EXOC7: variants seen among roughly 807,000 people sequenced by gnomAD.
The protein encoded by EXOC7 is exocyst complex component Exo70.
A neutral mutation model predicts 87.6 loss-of-function variants in EXOC7; 51 were observed. The ratio of observed to expected loss-of-function variants is 0.58; its 90% CI spans 0.46 to 0.73. The LOEUF (loss-of-function observed/expected upper bound fraction) is 0.73. Among genes scored for constraint, EXOC7 ranks in the 30% least tolerant of loss-of-function variants. The pLI, the probability that EXOC7 is intolerant of heterozygous loss-of-function variation, is 0.00. For synonymous variants in EXOC7, 327 were observed against 357.1 expected (o/e 0.92, Z 0.95); for missense variants, 744 against 888.4 (o/e 0.84, Z 2.07).
Position 76,084,076 on chromosome 17 carries a change from CTG to C in EXOC7, c.1880_1881del (p.Thr627ArgfsTer87), listed in dbSNP as rs2067096658. On this transcript the variant is annotated frameshift_variant, in exon 18 of 19. Transcript: ENST00000589210. LOFTEE classifies it high-confidence loss of function. ...GCCTGGCGAATCCTGTCCCTCTGCT[CTG>C]TGTCTGGAATAGCCCAGGCCTTCTG... ...KIQKAWAIPD[T>X]EQRDRIRQAQ... 6.2e-7 allele frequency: 1 copy of C among 1,611,064 alleles called. No individual in the cohort carries two copies. Among genetic ancestry groups the C allele is most frequent in the Non-Finnish European group, 8.5e-7 (1 of 1,179,144 alleles).
At chr17:76,085,492 C>A (rs2067171310) in intron 14 of EXOC7, 83 bp from the exon 15 acceptor site, 1 of 1,495,556 alleles carries the variant, frequency 6.7e-7, no homozygotes, top group Non-Finnish European at 9.2e-7. Context: ...GGGAGGGCCT[C>A]CCATTGCACC....
chr17:76,090,612 AC>A, intron 7 of EXOC7: 1 of 835,888 alleles, frequency 1.2e-6, no homozygotes, highest in Non-Finnish European at 1.8e-6. Flanking sequence ...AGCACCCAGG[AC>A]CGTCCTTAGC....
In EXOC7 at chr17:76,081,531, T is replaced by C; in HGVS notation, c.*2117A>G. 1 of 1,612,732 alleles carries C rather than the reference T, an allele frequency of 6.2e-7. No homozygotes were observed. Among genetic ancestry groups the C allele is most frequent in the Non-Finnish European group, 8.5e-7 (1 of 1,179,884 alleles). ...TCCCCCCCGCCGGGAAGGCCCTGAC[T>C]TTTCCCCTTCCAGCTGAGGCTGAAG... On this transcript the variant is annotated 3_prime_UTR_variant, in exon 19 of 19. Coordinates refer to ENST00000589210, the MANE Select transcript of EXOC7 (RefSeq NM_001013839.4).
In EXOC7 at chr17:76,097,911, A is replaced by T; in HGVS notation, c.525T>A (p.Ser175Arg). The T allele has an allele frequency of 6.2e-7, 1 of 1,613,786 alleles. No homozygotes were observed. The highest frequency in any genetic ancestry group is 8.5e-7 in the Non-Finnish European group (1 of 1,179,884). The stretch of plus-strand genomic sequence containing the variant: ...CCTGGGCCTCCAGATCATCGTCACC[A>T]CTGATCAGATCCAAGATGAGCACGG... Reference protein sequence around the residue: ...VSPVLILDLISGDDDLEAQED... With the variant: ...VSPVLILDLIRGDDDLEAQED... The change falls in exon 5 of 19, where the codon AGT becomes AGA. Residue 175 changes from serine to arginine, a missense_variant. Coordinates refer to ENST00000589210, the MANE Select transcript of EXOC7 (RefSeq NM_001013839.4).
intron 4 of EXOC7, among the ~76,000 whole-genome samples, chr17:76,099,060 T>C (rs990257748): frequency 2.0e-5 from 3 of 152,194 alleles, no homozygotes; most frequent in Non-Finnish European, 4.4e-5. Context: ...ATTTGTAAAC[T>C]ATGTATCTGA....
chr17:76,096,862 CTTTT>C (rs1204584432), intron 5 of EXOC7, among the ~76,000 whole-genome samples: 5 of 151,922 alleles, frequency 3.3e-5, no homozygotes, highest in Admixed American at 6.6e-5. Flanking sequence ...GGCCTTCTTT[CTTTT>C]GAGACAAGAG....
rs552316053 is a variant in EXOC7, at chr17:76,083,888, C to T, written c.1952+118G>A. 1.6e-4 allele frequency: 234 copies of T among 1,481,840 alleles called. No homozygotes were observed. The African/African-American group carries it at 2.2e-3, about 14-fold the overall frequency. The allele number at this position is 1,481,840 out of a possible 1,614,324, so 91.8% of individuals were successfully genotyped here. On this transcript the variant is annotated intron_variant, in intron 18 of 18. Coordinates refer to ENST00000589210, the MANE Select transcript of EXOC7 (RefSeq NM_001013839.4). ...TCTGGCCCCGCCCCAAAGCCCAGGT[C>T]GCTGGATCTGCTGCCTAAATCCACC...
Position 76,087,723 on chromosome 17 carries a change from G to A in EXOC7, c.1363-3C>T, listed in dbSNP as rs1270244054. The stretch of plus-strand genomic sequence containing the variant: ...AGCTGCTGCAGGAAGAGGATGGCCT[G>A]GGTGGGAAGAAAACGGTGCAGAAGG... On this transcript the variant is annotated splice_polypyrimidine_tract_variant and splice_region_variant and intron_variant, in intron 11 of 18. Coordinates refer to ENST00000589210, the MANE Select transcript of EXOC7 (RefSeq NM_001013839.4). 2.6e-6 allele frequency: 4 copies of A among 1,551,122 alleles called. No homozygotes were observed. The highest frequency in any genetic ancestry group is 3.5e-6 in the Non-Finnish European group (4 of 1,146,992).
In EXOC7 at chr17:76,081,513, CG is replaced by C; in HGVS notation, c.*2134del. 1 of 1,610,968 alleles carries C rather than the reference CG, an allele frequency of 6.2e-7. No homozygotes were observed. ...CCCCGATGCCCACCTCCTTCCCCCCCGCCGGGAAGGCCCTGACTTTTCCCCT... is the reference window on the plus strand; with the variant it reads ...CCCCGATGCCCACCTCCTTCCCCCCCCCGGGAAGGCCCTGACTTTTCCCCT... On this transcript the variant is annotated 3_prime_UTR_variant, in exon 19 of 19. Transcript: ENST00000589210.
chr17:76,100,756 G>A (rs2144702687), intron 4 of EXOC7, among the ~76,000 whole-genome samples: 1 of 152,306 alleles, frequency 6.6e-6, no homozygotes, highest in African/African-American at 2.4e-5. Flanking sequence ...CCAAGGCGGG[G>A]GATCATCTGA....
chr17:76,083,603 A>G lies in EXOC7; in HGVS notation c.*45T>C. Reference sequence around the variant, plus strand: ...CAAGCTAACACTGGTTTATCTGTCCAATGACACGCCAGTCTGGTGGAACCA... The same window carrying G: ...CAAGCTAACACTGGTTTATCTGTCCGATGACACGCCAGTCTGGTGGAACCA... On this transcript the variant is annotated 3_prime_UTR_variant, in exon 19 of 19. Transcript: ENST00000589210. 1.3e-6 allele frequency: 2 copies of G among 1,591,660 alleles called. No homozygotes were observed. Among genetic ancestry groups the G allele is most frequent in the Non-Finnish European group, 1.7e-6 (2 of 1,159,868 alleles).
intron 11 of EXOC7, 78 bp from the exon 12 acceptor site, chr17:76,087,798 C>T (rs1204861262): frequency 1.4e-6 from 2 of 1,459,620 alleles, no homozygotes; most frequent in Non-Finnish European, 1.9e-6. Flanking sequence ...CCTCTGAGTG[C>T]CCAGGGCCAG....
At chr17:76,091,554 A>C in intron 6 of EXOC7, 4 of 286,074 alleles carry the variant, frequency 1.4e-5, no homozygotes, top group African/African-American at 2.2e-5. Flanking sequence ...CATAATCAGA[A>C]CAGGCGAGGG....
In EXOC7 at chr17:76,094,461, G is replaced by A. The variant is rs779009931; in HGVS notation, c.761C>T (p.Pro254Leu). 6.2e-7 allele frequency: 1 copy of A among 1,614,088 alleles called. No homozygotes were observed. Among genetic ancestry groups the A allele is most frequent in the East Asian group, 2.2e-5 (1 of 44,896 alleles). ...GGTAGGTGTGTCTTTCCTCTTGTTG[G>A]GGATAGCAGGGGAGTAGGGAACCCC... ...SSGVPYSPAI[P>L]NKRKDTPTKK... The change falls in exon 6 of 19, where the codon CCC (proline) becomes CTC (leucine). Residue 254 changes from proline (P) to leucine (L), a missense_variant. Transcript: ENST00000589210.
chr17:76,095,693 C>T (rs1035385816), intron 5 of EXOC7, among the ~76,000 whole-genome samples: 2 of 152,132 alleles, frequency 1.3e-5, no homozygotes, highest in African/African-American at 4.8e-5. Context: ...ATGAGTCCAT[C>T]GATTGGCCTG....
At position 76,103,723 on chromosome 17, in the gene EXOC7, G is replaced by T; in HGVS notation, c.-31C>A. ...TGAACCCCGCGGCTCCCACTCCCCA[G>T]TATCTTTCCTCCGCGGGCCCACCGG... On this transcript the variant is annotated 5_prime_UTR_variant, in exon 1 of 19. It adds an upstream start codon to the 5' untranslated region. Coordinates refer to ENST00000589210, the MANE Select transcript of EXOC7 (RefSeq NM_001013839.4). 1 of 1,584,656 alleles carries T rather than the reference G, an allele frequency of 6.3e-7. No homozygotes were observed. The highest frequency in any genetic ancestry group is 8.6e-7 in the Non-Finnish European group (1 of 1,166,546).
chr17:76,102,487 G>C (rs901356470), intron 2 of EXOC7, among the ~76,000 whole-genome samples: 3 of 151,370 alleles, frequency 2.0e-5, no homozygotes. Flanking sequence ...TGTGCCTACA[G>C]TCCCAGCTGC....
rs978006409 is a variant in EXOC7, at chr17:76,081,801, A to G, written c.*1847T>C. 1.7e-5 allele frequency: 27 copies of G among 1,612,678 alleles called. No homozygotes were observed. Among genetic ancestry groups the G allele is most frequent in the Non-Finnish European group, 2.1e-5 (25 of 1,179,190 alleles). On this transcript the variant is annotated 3_prime_UTR_variant, in exon 19 of 19. Coordinates refer to ENST00000589210, the MANE Select transcript of EXOC7 (RefSeq NM_001013839.4). ...CAGTCTGCCCTGTTTCTCCCCGGTC[A>G]CCCACTGGTGCTCAGCTCGCTGGGC...
chr17:76,088,719 C>T lies in EXOC7; in HGVS notation c.1200+52G>A, dbSNP rs1016930123. 19 of 1,609,064 alleles carry T rather than the reference C, an allele frequency of 1.2e-5. No homozygotes were observed. The African/African-American group carries it at 1.5e-4, about 12-fold the overall frequency. On this transcript the variant is annotated intron_variant, in intron 9 of 18. Coordinates refer to ENST00000589210, the MANE Select transcript of EXOC7 (RefSeq NM_001013839.4). The stretch of plus-strand genomic sequence containing the variant: ...CAGGGAGGGATGGGGCGGCCACACC[C>T]GGCAGCACGATGCCTCCTGGCTGTG...
Sources: gnomAD v4.1 joint callset for allele counts (sites outside exome capture counted in the v4.1 genomes callset) on GRCh38, gnomAD v4.1.1 for gene constraint, MANE v1.5 for transcripts, NCBI Gene and HGNC (gene_info 2026-07-23, HGNC 2026-07-21) for gene names.